The following CDIN1 variants were observed in gnomAD, a reference collection of about 807,000 sequenced individuals.
CDIN1 encodes the protein CDAN1-interacting nuclease 1.
In CDIN1, 33 loss-of-function variants were observed where a neutral mutation model predicts 45.3. The observed-to-expected ratio is 0.73, with a 90% CI of 0.55 to 0.97. CDIN1 has a LOEUF of 0.97. Among genes scored for constraint, CDIN1 ranks in the 50% least tolerant of loss-of-function variants. The pLI is 0.00. For synonymous variants in CDIN1, 118 were observed against 124.4 expected, an observed-to-expected ratio of 0.95 and a Z score of 0.34; for missense variants, 303 against 339.4, an observed-to-expected ratio of 0.89 and a Z score of 0.84.
intron 1 of CDIN1, among the ~76,000 whole-genome samples, chr15:36,581,298 CT>C (rs1022657340): frequency 2.0e-5 from 3 of 151,944 alleles, no homozygotes; most frequent in Non-Finnish European, 4.4e-5. Context: ...TGTAATTTTG[CT>C]TTTTTTTCTC....
chr15:36,652,119 G>A (rs2040598635), intron 3 of CDIN1, among the ~76,000 whole-genome samples: 1 of 152,184 alleles, frequency 6.6e-6, no homozygotes, highest in Admixed American at 6.5e-5. Flanking sequence ...CTCCCTCAGA[G>A]AGGGGCTTCC....
intron 10 of CDIN1, among the ~76,000 whole-genome samples, chr15:36,794,122 G>A (rs2054726334): frequency 7.2e-6 from 1 of 139,152 alleles, no homozygotes; most frequent in South Asian, 2.3e-4. Flanking sequence ...GCAGTGATGC[G>A]ATCTCGGCTC....
intron 5 of CDIN1, among the ~76,000 whole-genome samples, chr15:36,664,753 A>G (rs12898391): frequency 0.26 from 38,976 of 152,030 alleles, 6,131 homozygotes; most frequent in South Asian, 0.41. Flanking sequence ...TCACCATGTT[A>G]GCCAGGATGG....
At chr15:36,596,407 A>G (rs1232563578) in intron 1 of CDIN1, among the ~76,000 whole-genome samples, 1 of 152,156 alleles carries the variant, frequency 6.6e-6, no homozygotes, top group Non-Finnish European at 1.5e-5. Flanking sequence ...TTGGTATACT[A>G]CTGTTGATTC....
At chr15:36,617,580 A>T (rs1343636602) in intron 1 of CDIN1, 2 of 784,010 alleles carry the variant, frequency 2.6e-6, no homozygotes, top group African/African-American at 3.4e-5. Flanking sequence ...AAGAAATAAA[A>T]AAGTTGACCA....
intron 3 of CDIN1, among the ~76,000 whole-genome samples, chr15:36,650,766 A>G (rs1178352346): frequency 6.6e-6 from 1 of 152,150 alleles, no homozygotes; most frequent in Non-Finnish European, 1.5e-5. Context: ...TACTATCTGG[A>G]TATCATAAGA....
chr15:36,667,594 T>G (rs2041295178), intron 5 of CDIN1, among the ~76,000 whole-genome samples: 1 of 152,166 alleles, frequency 6.6e-6, no homozygotes, highest in African/African-American at 2.4e-5. Flanking sequence ...GATTGGGTAC[T>G]CCTACAAATT....
intron 10 of CDIN1, among the ~76,000 whole-genome samples, chr15:36,766,024 G>C (rs2053915113): frequency 6.6e-6 from 1 of 152,116 alleles, no homozygotes. Flanking sequence ...TATTCCTCTT[G>C]CATAACTGAA....
chr15:36,622,315 G>C (rs757410628), intron 1 of CDIN1, among the ~76,000 whole-genome samples: 10 of 152,124 alleles, frequency 6.6e-5, no homozygotes, highest in Non-Finnish European at 1.2e-4. Flanking sequence ...GGGGACAGTT[G>C]GATCTGCTCT....
intron 8 of CDIN1, chr15:36,702,150 T>TG (rs2140783635): frequency 1.4e-6 from 1 of 701,920 alleles, no homozygotes; most frequent in East Asian, 2.7e-5. Flanking sequence ...TGGAGATGGC[T>TG]GGGTATTTCA....
At chr15:36,629,091 T>C (rs955595367) in intron 1 of CDIN1, among the ~76,000 whole-genome samples, 1 of 152,158 alleles carries the variant, frequency 6.6e-6, no homozygotes, top group Non-Finnish European at 1.5e-5. Flanking sequence ...GGAGGGAGCA[T>C]GGCCTTGCTA....
intron 3 of CDIN1, among the ~76,000 whole-genome samples, chr15:36,649,475 A>G (rs757462286): frequency 2.0e-5 from 3 of 152,192 alleles, no homozygotes; most frequent in Non-Finnish European, 4.4e-5. Context: ...GGGCTAACAA[A>G]TACACATCCT....
At position 36,746,032 on chromosome 15, in the gene CDIN1, A is replaced by G. The variant is rs140866103; in HGVS notation, c.716+36071A>G. 6.7e-3 allele frequency among the ~76,000 whole-genome samples: 1,016 copies of G among 152,274 alleles called. 7 individuals are homozygous for G. The highest frequency in any genetic ancestry group is 0.012 in the Admixed American group (178 of 15,294). On this transcript the variant is annotated intron_variant, in intron 10 of 10. Coordinates refer to ENST00000566621, the MANE Select transcript of CDIN1 (RefSeq NM_001321759.2). ...TAGGACACAGAAATATATACAAAAA[A>G]CAGTTTTTAGTACAATTAGAGCGAA...
At chr15:36,775,715 CA>C (rs11353753) in intron 10 of CDIN1, among the ~76,000 whole-genome samples, 122,018 of 152,146 alleles carry the variant, frequency 0.8, 51,778 homozygotes, top group East Asian at 0.95. Flanking sequence ...TACACAGGGA[CA>C]ATATGCAAGA....
At chr15:36,594,685 G>A (rs1311408795) in intron 1 of CDIN1, among the ~76,000 whole-genome samples, 2 of 152,138 alleles carry the variant, frequency 1.3e-5, no homozygotes, top group East Asian at 3.9e-4. Flanking sequence ...TGACCTTTGT[G>A]CGCAATAAAA....
At chr15:36,765,508 C>G (rs577528467) in intron 10 of CDIN1, among the ~76,000 whole-genome samples, 1 of 152,072 alleles carries the variant, frequency 6.6e-6, no homozygotes, top group African/African-American at 2.4e-5. Flanking sequence ...AGAGAGTTTA[C>G]GTTAAAAAAA....
intron 1 of CDIN1, among the ~76,000 whole-genome samples, chr15:36,609,648 G>A (rs1345151093): frequency 6.6e-6 from 1 of 152,208 alleles, no homozygotes; most frequent in African/African-American, 2.4e-5. Flanking sequence ...TTAGCTGAAT[G>A]CTGGGAAGAG....
chr15:36,654,073 T>C, intron 3 of CDIN1, 25 bp from the exon 4 acceptor site: 3 of 1,557,468 alleles, frequency 1.9e-6, no homozygotes, highest in Non-Finnish European at 2.6e-6. Context: ...GTCACTGCAT[T>C]ACCACTTGGC....
intron 10 of CDIN1, among the ~76,000 whole-genome samples, chr15:36,763,233 C>G (rs1291988698): frequency 1.3e-5 from 2 of 152,198 alleles, no homozygotes; most frequent in African/African-American, 4.8e-5. Context: ...TTGCATTTCT[C>G]TGATGGCCAG....
Sources: gnomAD v4.1 joint callset for allele counts (sites outside exome capture counted in the v4.1 genomes callset) on GRCh38, gnomAD v4.1.1 for gene constraint, MANE v1.5 for transcripts, NCBI Gene and HGNC (gene_info 2026-07-23, HGNC 2026-07-21) for gene names.